BCL9: variants seen among roughly 807,000 people sequenced by gnomAD.
BCL9 encodes the protein B-cell CLL/lymphoma 9 protein.
BCL9 carries 25 observed loss-of-function variants against 88.5 expected under a neutral mutation model. That is an observed-to-expected ratio of 0.28 (90% CI 0.21 to 0.39). The LOEUF (loss-of-function observed/expected upper bound fraction) is 0.39, where lower values mean the gene tolerates loss of function less well. BCL9 is among the 10% of genes least tolerant of loss of function. The pLI, the probability that BCL9 is intolerant of heterozygous loss-of-function variation, is 1.00. For missense variants in BCL9, 1,817 were observed against 1,877.8 expected (o/e 0.97, Z 0.60); for synonymous variants, 711 against 673.3 (o/e 1.06, Z -0.87).
At position 147,611,725 on chromosome 1, in the gene BCL9, C is replaced by A; in HGVS notation, c.-112C>A. ...CAGGCAGCGAGCGCTAAGGGACGCACCCAGCAAGCAGTGGGCCAGTGCCAC... is the reference window on the plus strand; with the variant it reads ...CAGGCAGCGAGCGCTAAGGGACGCAACCAGCAAGCAGTGGGCCAGTGCCAC... On this transcript the variant is annotated 5_prime_UTR_variant, in exon 4 of 10. Transcript: ENST00000234739. 2 of 1,031,404 alleles carry A rather than the reference C, an allele frequency of 1.9e-6. No homozygotes were observed. Among genetic ancestry groups the A allele is most frequent in the Non-Finnish European group, 3.0e-6 (2 of 659,294 alleles). 63.9% of individuals were successfully genotyped at this position (1,031,404 alleles called of 1,614,324 possible). A position where few individuals can be genotyped will look rare whatever the true frequency, so the allele number is the denominator to read the frequency against.
At chr1:147,543,574 A>C (rs975214580) in intron 1 of BCL9, among the ~76,000 whole-genome samples, 2 of 152,184 alleles carry the variant, frequency 1.3e-5, no homozygotes, top group Non-Finnish European at 2.9e-5. Context: ...ATATCTGAAA[A>C]CTTAGTTGTT....
At chr1:147,554,668 C>T (rs187923040) in intron 1 of BCL9, among the ~76,000 whole-genome samples, 1 of 152,318 alleles carries the variant, frequency 6.6e-6, no homozygotes, top group African/African-American at 2.4e-5. Context: ...TGGAATCAGG[C>T]GACCTGGGTT....
intron 1 of BCL9, among the ~76,000 whole-genome samples, chr1:147,584,980 G>A (rs1186552538): frequency 6.6e-6 from 1 of 152,138 alleles, no homozygotes; most frequent in Non-Finnish European, 1.5e-5. Context: ...CAAATCTCTG[G>A]AAGGGGCTCC....
intron 1 of BCL9, among the ~76,000 whole-genome samples, chr1:147,562,544 A>G (rs1357610650): frequency 1.3e-5 from 2 of 152,140 alleles, no homozygotes; most frequent in African/African-American, 4.8e-5. Context: ...GAGTTACTGA[A>G]GTAATTCTAG....
At chr1:147,562,966 T>C (rs1655445138) in intron 1 of BCL9, among the ~76,000 whole-genome samples, 1 of 152,066 alleles carries the variant, frequency 6.6e-6, no homozygotes, top group African/African-American at 2.4e-5. Context: ...TCCTTTGGTT[T>C]AGCTTTAGCC....
chr1:147,544,566 C>T (rs1463285529), intron 1 of BCL9, among the ~76,000 whole-genome samples: 1 of 152,164 alleles, frequency 6.6e-6, no homozygotes, highest in Non-Finnish European at 1.5e-5. Context: ...GTTAGTGAGA[C>T]TCTGATCTCG....
At chr1:147,606,267 A>G (rs1000239110) in intron 2 of BCL9, among the ~76,000 whole-genome samples, 12 of 152,180 alleles carry the variant, frequency 7.9e-5, no homozygotes, top group Admixed American at 2.0e-4. Context: ...CACATTATTC[A>G]GCTCTTAAGT....
intron 1 of BCL9, among the ~76,000 whole-genome samples, chr1:147,602,517 G>A (rs587750674): frequency 6.6e-6 from 1 of 152,262 alleles, no homozygotes; most frequent in East Asian, 1.9e-4. Context: ...GCCTAGAAGA[G>A]AAATTTTAAT....
chr1:147,611,802 T>TC lies in BCL9; in HGVS notation c.-32dup, dbSNP rs1553202619. 4 of 1,607,892 alleles carry TC rather than the reference T, an allele frequency of 2.5e-6. No homozygotes were observed. The highest frequency in any genetic ancestry group is 3.4e-6 in the Non-Finnish European group (4 of 1,174,310). On this transcript the variant is annotated 5_prime_UTR_variant, in exon 4 of 10. Coordinates refer to ENST00000234739, the MANE Select transcript of BCL9 (RefSeq NM_004326.4). The stretch of plus-strand genomic sequence containing the variant: ...ACCCGAGAGGAACTCGGTGAGCCTG[T>TC]CCCGTTTGTGACTGCAAGCTCAGGA...
chr1:147,614,880 C>T (rs1257922794), intron 6 of BCL9, among the ~76,000 whole-genome samples: 2 of 148,936 alleles, frequency 1.3e-5, no homozygotes, highest in Admixed American at 1.3e-4. Context: ...GTCTCTGTCG[C>T]CTAGGCTGGA....
At chr1:147,551,002 G>A (rs587620015) in intron 1 of BCL9, among the ~76,000 whole-genome samples, 3 of 152,304 alleles carry the variant, frequency 2.0e-5, no homozygotes, top group African/African-American at 7.2e-5. Flanking sequence ...AATGTGCTGG[G>A]TAAAATTCCA....
At position 147,624,523 on chromosome 1, in the gene BCL9, C is replaced by G; in HGVS notation, c.3845C>G (p.Pro1282Arg). 2 of 1,614,168 alleles carry G rather than the reference C, an allele frequency of 1.2e-6. No homozygotes were observed. Among genetic ancestry groups the G allele is most frequent in the Non-Finnish European group, 1.7e-6 (2 of 1,180,026 alleles). The change falls in exon 10 of 10, where the codon CCC becomes CGC. Residue 1282 changes from proline to arginine, a missense_variant. By Grantham distance (103) the Pro-to-Arg change is moderately radical. Around this residue, in one of 2 missense-constraint regions of BCL9, gnomAD observed 589 missense variants for 686.2 expected, o/e 0.86. Coordinates refer to ENST00000234739, the MANE Select transcript of BCL9 (RefSeq NM_004326.4). This position sits in a 1 kb window ranked among gnomAD's most constrained non-coding sequence, Gnocchi z 4.4. ...CAGGGGATGATGGGCGAACAAGCCC[C>G]CAGAATGGGACTAGCATTACCTGGC... ...HMQGMMGEQA[P>R]RMGLALPGMG...
intron 1 of BCL9, among the ~76,000 whole-genome samples, chr1:147,599,963 C>T (rs1381387096): frequency 6.7e-6 from 1 of 148,596 alleles, no homozygotes; most frequent in Non-Finnish European, 1.5e-5. Flanking sequence ...GGGCCGGACG[C>T]TGAGGCGGGG....
intron 1 of BCL9, among the ~76,000 whole-genome samples, chr1:147,557,555 C>T (rs1655172314): frequency 6.6e-6 from 1 of 152,124 alleles, no homozygotes; most frequent in African/African-American, 2.4e-5. Flanking sequence ...GGATATCCTC[C>T]TTCCTAAGAT....
intron 1 of BCL9, among the ~76,000 whole-genome samples, chr1:147,548,766 C>G (rs1553194510): frequency 6.6e-6 from 1 of 151,946 alleles, no homozygotes; most frequent in East Asian, 1.9e-4. Context: ...TTGCTTGAGA[C>G]CAGCCTGGGT....
At position 147,624,899 on chromosome 1, in the gene BCL9, T is replaced by G. The variant is rs782478204; in HGVS notation, c.4221T>G (p.Ala1407=). ...AGATGAGGCCCCGGGGCATGGCTGC[T>G]GACGTGGGCATGGGTGGATTTAGCC... ...PPQMRPRGMA[A]DVGMGGFSQG... Residue 1407 remains alanine (A), a synonymous_variant, in exon 10 of 10, where the codon GCT becomes GCG. Transcript: ENST00000234739. This position sits in a 1 kb window ranked among gnomAD's most constrained non-coding sequence, Gnocchi z 4.4. 5 of 1,614,008 alleles carry G rather than the reference T, an allele frequency of 3.1e-6. No homozygotes were observed. Among genetic ancestry groups the G allele is most frequent in the Non-Finnish European group, 3.4e-6 (4 of 1,179,870 alleles).
chr1:147,624,958 A>G lies in BCL9; in HGVS notation c.4280A>G (p.Ter1427=), dbSNP rs1553206347. Residue 1427 remains the stop codon, a stop_retained_variant, in exon 10 of 10, where the codon TAA becomes TGA. Transcript: ENST00000234739. This position sits in a 1 kb window ranked among gnomAD's most constrained non-coding sequence, Gnocchi z 4.4. ...GGCAACCCAGGAAACATGATGTTTT[A>G]AGCTGCTAAGATGGGATGTGCCGAT... ...GPGNPGNMMF[*] 6.2e-7 allele frequency: 1 copy of G among 1,605,700 alleles called. No homozygotes were observed. Among genetic ancestry groups the G allele is most frequent in the East Asian group, 2.2e-5 (1 of 44,602 alleles).
chr1:147,608,632 G>C (rs1195870654), intron 3 of BCL9, among the ~76,000 whole-genome samples: 2 of 152,170 alleles, frequency 1.3e-5, no homozygotes, highest in African/African-American at 4.8e-5. Context: ...GCAAGTCCAG[G>C]TATTGGGAGT....
In BCL9 at chr1:147,550,805, G is replaced by A. The variant is rs367828240; in HGVS notation, c.-478+9131G>A. Among the ~76,000 whole-genome samples the A allele has an allele frequency of 3.2e-4, 48 of 152,200 alleles. No individual in the cohort carries two copies. In the East Asian group the frequency reaches 6.6e-3, roughly 21 times the overall value. On this transcript the variant is annotated intron_variant, in intron 1 of 9. Coordinates refer to ENST00000234739, the MANE Select transcript of BCL9 (RefSeq NM_004326.4). ...CCTTGGGCTGGTTATTTATTCTCTC[G>A]GAAACTCAGTTCATCATCTGTAAAA...
Sources: allele counts gnomAD v4.1 joint callset (sites outside exome capture counted in the v4.1 genomes callset), GRCh38; gene constraint gnomAD v4.1.1; regional missense constraint gnomAD v4.1.1; non-coding constraint Gnocchi (gnomAD v3.1); transcripts MANE v1.5; gene names NCBI Gene and HGNC (gene_info 2026-07-23, HGNC 2026-07-21).